KCNB2: variants seen among roughly 807,000 people sequenced by gnomAD.
KCNB2 encodes the protein delayed rectifier potassium channel protein.
In KCNB2, 15 loss-of-function variants were observed where a neutral mutation model predicts 61.5. The observed-to-expected ratio is 0.24, with a 90% CI of 0.16 to 0.38. KCNB2 has a LOEUF of 0.38. Ranked by LOEUF, KCNB2 falls within the 10% of genes least tolerant of loss-of-function variation. The pLI, the probability that KCNB2 is intolerant of heterozygous loss-of-function variation, is 1.00. For missense variants in KCNB2, 828 were observed against 1,125.2 expected, an observed-to-expected ratio of 0.74 and a Z score of 3.78; for synonymous variants, 457 against 446.0, an observed-to-expected ratio of 1.02 and a Z score of -0.31.
intron 2 of KCNB2, among the ~76,000 whole-genome samples, chr8:72,785,761 G>C (rs917130133): frequency 2.6e-5 from 4 of 152,028 alleles, no homozygotes; most frequent in African/African-American, 9.7e-5. Context: ...CTTTGGCAAT[G>C]GTTTAAATAG....
chr8:72,845,332 G>A (rs762897339), intron 2 of KCNB2, among the ~76,000 whole-genome samples: 28 of 152,150 alleles, frequency 1.8e-4, no homozygotes, highest in Non-Finnish European at 2.9e-4. Flanking sequence ...AGGGGTACCC[G>A]CCAGATGCCA....
At chr8:72,907,199 T>C (rs1186321817) in intron 2 of KCNB2, among the ~76,000 whole-genome samples, 1 of 151,540 alleles carries the variant, frequency 6.6e-6, no homozygotes, top group African/African-American at 2.4e-5. Flanking sequence ...TCTACTAAAA[T>C]TACAAAAATT....
At chr8:72,720,012 G>A (rs960481493) in intron 2 of KCNB2, among the ~76,000 whole-genome samples, 8 of 152,160 alleles carry the variant, frequency 5.3e-5, no homozygotes, top group African/African-American at 1.9e-4. Flanking sequence ...ATGAAAAATG[G>A]AGCCCAAAGC....
chr8:72,757,048 G>A (rs1246189613), intron 2 of KCNB2, among the ~76,000 whole-genome samples: 1 of 152,112 alleles, frequency 6.6e-6, no homozygotes, highest in Non-Finnish European at 1.5e-5. Context: ...TTAGAAGCTT[G>A]GGAGTCAATG....
chr8:72,712,792 T>C (rs1221437430), intron 2 of KCNB2, among the ~76,000 whole-genome samples: 1 of 152,118 alleles, frequency 6.6e-6, no homozygotes, highest in East Asian at 1.9e-4. Flanking sequence ...TTCATCTCAC[T>C]GAGGAGTGCT....
chr8:72,577,877 T>C (rs1388225215), intron 2 of KCNB2, among the ~76,000 whole-genome samples: 3 of 152,202 alleles, frequency 2.0e-5, no homozygotes, highest in Non-Finnish European at 4.4e-5. Flanking sequence ...TTAATCAATA[T>C]ACTATCTAGA....
intron 2 of KCNB2, among the ~76,000 whole-genome samples, chr8:72,901,102 G>T (rs958812873): frequency 6.6e-6 from 1 of 152,166 alleles, no homozygotes; most frequent in African/African-American, 2.4e-5. Context: ...ATTATTTCAT[G>T]ATTTGGGCCC....
At chr8:72,742,325 A>G (rs1413945607) in intron 2 of KCNB2, among the ~76,000 whole-genome samples, 1 of 152,190 alleles carries the variant, frequency 6.6e-6, no homozygotes, top group African/African-American at 2.4e-5. Context: ...AAATTCGTGT[A>G]GTCTTTTTCT....
chr8:72,925,076 T>G (rs1325517345), intron 2 of KCNB2, among the ~76,000 whole-genome samples: 1 of 152,252 alleles, frequency 6.6e-6, no homozygotes, highest in Admixed American at 6.5e-5. Flanking sequence ...AGAGGTTTAC[T>G]GCAGAGATTC....
At chr8:72,629,843 C>A (rs1393997745) in intron 2 of KCNB2, among the ~76,000 whole-genome samples, 1 of 152,118 alleles carries the variant, frequency 6.6e-6, no homozygotes, top group African/African-American at 2.4e-5. Context: ...ATTTGGATAT[C>A]AATTCAGTAA....
intron 2 of KCNB2, among the ~76,000 whole-genome samples, chr8:72,694,909 T>G (rs1806994308): frequency 6.6e-6 from 1 of 152,062 alleles, no homozygotes; most frequent in South Asian, 2.1e-4. Flanking sequence ...TTGAACTCTA[T>G]GTTTCAAGCT....
At chr8:72,821,046 A>G (rs1186157605) in intron 2 of KCNB2, among the ~76,000 whole-genome samples, 1 of 152,182 alleles carries the variant, frequency 6.6e-6, no homozygotes, top group Non-Finnish European at 1.5e-5. Flanking sequence ...AGATTTAAAT[A>G]CTTCAAAATG....
chr8:72,556,887 C>A (rs1419121324), intron 1 of KCNB2, among the ~76,000 whole-genome samples: 2 of 152,130 alleles, frequency 1.3e-5, no homozygotes, highest in Admixed American at 6.6e-5. Flanking sequence ...AAATTTATTT[C>A]TCACAGTTCT....
chr8:72,860,344 C>T (rs1405957771), intron 2 of KCNB2, among the ~76,000 whole-genome samples: 1 of 152,176 alleles, frequency 6.6e-6, no homozygotes, highest in African/African-American at 2.4e-5. Flanking sequence ...CCCATCAACA[C>T]TTGTTATCTT....
intron 2 of KCNB2, among the ~76,000 whole-genome samples, chr8:72,716,102 A>T (rs1470369224): frequency 6.6e-6 from 1 of 152,234 alleles, no homozygotes; most frequent in Non-Finnish European, 1.5e-5. Context: ...CCCTCCCAAG[A>T]CTAAACAAGG....
chr8:72,735,015 T>C (rs1160734731), intron 2 of KCNB2, among the ~76,000 whole-genome samples: 2 of 152,184 alleles, frequency 1.3e-5, no homozygotes, highest in Non-Finnish European at 2.9e-5. Flanking sequence ...AAGATGCATT[T>C]ATCTGAAGGC....
At chr8:72,933,702 T>G (rs11786867) in intron 2 of KCNB2, among the ~76,000 whole-genome samples, 73,129 of 152,102 alleles carry the variant, frequency 0.48, 18,220 homozygotes, top group East Asian at 0.89. Flanking sequence ...TGGCTTCTGA[T>G]GGTAGGGATT....
chr8:72,792,226 A>G (rs1193158825), intron 2 of KCNB2, among the ~76,000 whole-genome samples: 3 of 152,096 alleles, frequency 2.0e-5, no homozygotes, highest in Non-Finnish European at 4.4e-5. Flanking sequence ...CCAGATAGTT[A>G]AGCTAACAAA....
chr8:72,772,629 G>T (rs1353949107), intron 2 of KCNB2, among the ~76,000 whole-genome samples: 1 of 152,110 alleles, frequency 6.6e-6, no homozygotes, highest in African/African-American at 2.4e-5. Context: ...GGTCTTTTCT[G>T]GTCATGTTTG....
Sources: gnomAD v4.1 joint callset for allele counts (sites outside exome capture counted in the v4.1 genomes callset) on GRCh38, gnomAD v4.1.1 for gene constraint, MANE v1.5 for transcripts, NCBI Gene and HGNC (gene_info 2026-07-23, HGNC 2026-07-21) for gene names.